ADGRB3: variants seen among roughly 807,000 people sequenced by gnomAD.
ADGRB3 encodes the protein brain-specific angiogenesis inhibitor 3.
In ADGRB3, 37 loss-of-function variants were observed where a neutral mutation model predicts 193.4. The observed-to-expected ratio is 0.19, with a 90% CI of 0.15 to 0.25. The LOEUF (loss-of-function observed/expected upper bound fraction) is 0.25. Ranked by LOEUF, ADGRB3 falls within the 10% of genes least tolerant of loss-of-function variation. ADGRB3 has a pLI of 1.00. For synonymous variants in ADGRB3, 690 were observed against 644.2 expected, an observed-to-expected ratio of 1.07 and a Z score of -1.08; for missense variants, 1,637 against 1,852.9, an observed-to-expected ratio of 0.88 and a Z score of 2.14.
At position 69,334,011 on chromosome 6, in the gene ADGRB3, TAAAATA is replaced by T. The variant is rs1768788149; in HGVS notation, c.3188+1008_3188+1013del. 6.8e-5 allele frequency among the ~76,000 whole-genome samples: 8 copies of T among 118,054 alleles called. 1 individual carries two copies. The South Asian group carries it at 2.3e-3, about 33-fold the overall frequency. 77.4% of individuals were successfully genotyped at this position (118,054 alleles called of 152,430 possible). On this transcript the variant is annotated intron_variant, in intron 24 of 31. Coordinates refer to ENST00000370598, the MANE Select transcript of ADGRB3 (RefSeq NM_001704.3). ...TAAAATAAAATAAAATAAAATAAAA[TAAAATA>T]AAAAATATGTATATATAATGACAGT...
chr6:69,164,857 T>C (rs1458940515), intron 17 of ADGRB3, among the ~76,000 whole-genome samples: 1 of 152,068 alleles, frequency 6.6e-6, no homozygotes, highest in South Asian at 2.1e-4. Flanking sequence ...CAAAGCTCTT[T>C]AAGGGCTTTC....
intron 3 of ADGRB3, among the ~76,000 whole-genome samples, chr6:68,755,199 A>G (rs989782358): frequency 6.6e-5 from 10 of 152,202 alleles, no homozygotes; most frequent in African/African-American, 9.6e-5. Flanking sequence ...AGAGATGATT[A>G]TCTTCCCTCC....
intron 3 of ADGRB3, among the ~76,000 whole-genome samples, chr6:68,913,675 G>A (rs1001222847): frequency 1.1e-4 from 16 of 152,274 alleles, no homozygotes; most frequent in South Asian, 4.1e-4. Context: ...CACCAGCAAC[G>A]GAACAAAGCT....
At chr6:69,338,038 C>A (rs912089472) in intron 24 of ADGRB3, among the ~76,000 whole-genome samples, 9 of 152,036 alleles carry the variant, frequency 5.9e-5, no homozygotes, top group Non-Finnish European at 1.3e-4. Context: ...GGTTTATTTT[C>A]TAATAAATCT....
intron 17 of ADGRB3, among the ~76,000 whole-genome samples, chr6:69,124,041 A>G (rs1198983932): frequency 6.6e-6 from 1 of 152,138 alleles, no homozygotes; most frequent in Non-Finnish European, 1.5e-5. Flanking sequence ...TCCTTCCTAT[A>G]AACATTAGAG....
chr6:69,257,115 T>C (rs1219609263), intron 20 of ADGRB3, among the ~76,000 whole-genome samples: 2 of 152,214 alleles, frequency 1.3e-5, no homozygotes, highest in East Asian at 1.9e-4. Context: ...CAGTATTTTA[T>C]TGAGGATTTT....
intron 13 of ADGRB3, among the ~76,000 whole-genome samples, chr6:69,044,998 A>G (rs892935366): frequency 1.3e-5 from 2 of 152,110 alleles, no homozygotes; most frequent in African/African-American, 2.4e-5. Flanking sequence ...CTTTTTATTT[A>G]TGTCCCTTTA....
At chr6:69,241,677 G>C (rs906002446) in intron 20 of ADGRB3, among the ~76,000 whole-genome samples, 5 of 151,852 alleles carry the variant, frequency 3.3e-5, no homozygotes, top group Admixed American at 1.3e-4. Context: ...TTCTTATTTT[G>C]AGGAAGGGCT....
At chr6:69,137,056 C>CTTTT (rs71548125) in intron 17 of ADGRB3, among the ~76,000 whole-genome samples, 6 of 80,106 alleles carry the variant, frequency 7.5e-5, no homozygotes, top group African/African-American at 2.4e-4. Flanking sequence ...TCTTTTCTTT[C>CTTTT]TTTTTTTTTT....
intron 3 of ADGRB3, among the ~76,000 whole-genome samples, chr6:68,929,520 C>G (rs1184281188): frequency 1.3e-5 from 2 of 152,112 alleles, no homozygotes; most frequent in Non-Finnish European, 2.9e-5. Context: ...CACACTTCAC[C>G]CAGTCATCTT....
chr6:69,234,662 C>T (rs964513157), intron 18 of ADGRB3, among the ~76,000 whole-genome samples: 1 of 151,918 alleles, frequency 6.6e-6, no homozygotes, highest in Non-Finnish European at 1.5e-5. Flanking sequence ...AAATGACTAA[C>T]CTGCAGTTAG....
At chr6:69,100,541 CCTT>C (rs1271968974) in intron 17 of ADGRB3, among the ~76,000 whole-genome samples, 15 of 152,174 alleles carry the variant, frequency 9.9e-5, no homozygotes, top group East Asian at 7.8e-4. Flanking sequence ...TAACAGCTGA[CCTT>C]CTCCCATATT....
Position 69,382,823 on chromosome 6 carries a change from T to C in ADGRB3, c.4276-8T>C, listed in dbSNP as rs771255123. On this transcript the variant is annotated splice_polypyrimidine_tract_variant and splice_region_variant and intron_variant, in intron 30 of 31. Coordinates refer to ENST00000370598, the MANE Select transcript of ADGRB3 (RefSeq NM_001704.3). ...TGGGGATGAGAGCTATCTTGTTCTT[T>C]TTTGCAGAAGGTCATGCATACAAGG... 3 of 1,585,200 alleles carry C rather than the reference T, an allele frequency of 1.9e-6. No individual in the cohort carries two copies. The highest frequency in any genetic ancestry group is 2.6e-6 in the Non-Finnish European group (3 of 1,162,422).
At chr6:68,778,506 T>A (rs1201086936) in intron 3 of ADGRB3, among the ~76,000 whole-genome samples, 1 of 152,126 alleles carries the variant, frequency 6.6e-6, no homozygotes, top group East Asian at 1.9e-4. Flanking sequence ...AACCACAAAC[T>A]TGAACACACT....
intron 3 of ADGRB3, among the ~76,000 whole-genome samples, chr6:68,796,319 T>C (rs1767207217): frequency 6.6e-6 from 1 of 152,146 alleles, no homozygotes; most frequent in African/African-American, 2.4e-5. Flanking sequence ...TCATTTTTTC[T>C]CCAGTGGTTC....
chr6:68,887,396 T>C (rs915266346), intron 3 of ADGRB3, among the ~76,000 whole-genome samples: 6 of 152,122 alleles, frequency 3.9e-5, no homozygotes, highest in African/African-American at 1.4e-4. Flanking sequence ...TTTATGTGTA[T>C]TGGTTTTTTA....
At chr6:68,921,147 A>G (rs1369268442) in intron 3 of ADGRB3, among the ~76,000 whole-genome samples, 2 of 152,224 alleles carry the variant, frequency 1.3e-5, no homozygotes, top group Non-Finnish European at 2.9e-5. Context: ...AAAATAAGAC[A>G]GAAGAGAAAT....
chr6:68,893,232 T>C (rs1766128342), intron 3 of ADGRB3, among the ~76,000 whole-genome samples: 2 of 152,076 alleles, frequency 1.3e-5, no homozygotes, highest in Non-Finnish European at 2.9e-5. Context: ...ACCCAGAAAA[T>C]AGTTGTTTAT....
rs766735540 is a variant in ADGRB3 at position 68,956,051 on chromosome 6, C to T, written c.1223C>T (p.Ser408Leu). ...GATGGACAGTGGCAAGAGTGGAGTT[C>T]GTGGAGCCAGTGCTCAGTAACGTGC... ...PVDGQWQEWS[S>L]WSQCSVTCSN... The change falls in exon 7 of 32, where the codon TCG (serine) becomes TTG (leucine). Residue 408 changes from serine (S) to leucine (L), a missense_variant. Around this residue, in one of 7 missense-constraint regions of ADGRB3, gnomAD observed 641 missense variants for 673.9 expected, o/e 0.95. Transcript: ENST00000370598. 6 of 1,613,578 alleles carry T rather than the reference C, an allele frequency of 3.7e-6. No homozygotes were observed. Among genetic ancestry groups the T allele is most frequent in the South Asian group, 1.1e-5 (1 of 91,046 alleles).
Sources: gnomAD v4.1 joint callset for allele counts (sites outside exome capture counted in the v4.1 genomes callset) on GRCh38, gnomAD v4.1.1 for gene constraint, gnomAD v4.1.1 regional missense constraint, MANE v1.5 for transcripts, NCBI Gene and HGNC (gene_info 2026-07-23, HGNC 2026-07-21) for gene names.